Variants in MED1 observed in about 807,000 individuals in gnomAD.
The protein encoded by MED1 is mediator of RNA polymerase II transcription subunit 1.
Under a neutral mutation model 121.3 loss-of-function variants are expected in MED1, and 17 were observed. The ratio of observed to expected loss-of-function variants is 0.14; its 90% CI spans 0.10 to 0.21. MED1 has a LOEUF of 0.21. MED1 is among the 10% of genes least tolerant of loss of function. The pLI is 1.00. For missense variants in MED1, 1,558 were observed against 1,919.4 expected, an observed-to-expected ratio of 0.81 and a Z score of 3.52; for synonymous variants, 661 against 694.4, an observed-to-expected ratio of 0.95 and a Z score of 0.76.
intron 2 of MED1, among the ~76,000 whole-genome samples, chr17:39,444,750 T>C (rs937369202): frequency 5.3e-5 from 8 of 151,866 alleles, no homozygotes; most frequent in Non-Finnish European, 1.0e-4. Flanking sequence ...GCGCCTGTAG[T>C]CCCAGCTACT....
At position 39,406,984 on chromosome 17, in the gene MED1, G is replaced by A. The variant is rs2048308383; in HGVS notation, c.*491C>T. On this transcript the variant is annotated 3_prime_UTR_variant, in exon 17 of 17. Transcript: ENST00000300651. ...CCAAAATGACCAAAGTCCTTCATTT[G>A]CCCATGACTCAAACGGACAACTACC... 2.0e-6 allele frequency: 2 copies of A among 986,396 alleles called. No individual in the cohort carries two copies. The highest frequency in any genetic ancestry group is 1.7e-5 in the African/African-American group (1 of 57,206). 61.1% of individuals were successfully genotyped at this position (986,396 alleles called of 1,614,324 possible).
chr17:39,406,422 C>T lies in MED1; in HGVS notation c.*1053G>A. ...CTCCTGCAAACAAAATGCTGGGATG[C>T]AGACTTTTGGCACATTGTGGAAGTA... On this transcript the variant is annotated 3_prime_UTR_variant, in exon 17 of 17. Coordinates refer to ENST00000300651, the MANE Select transcript of MED1 (RefSeq NM_004774.4). The T allele has an allele frequency of 1.0e-6, 1 of 985,374 alleles. No individual in the cohort carries two copies. The highest frequency in any genetic ancestry group is 1.2e-6 in the Non-Finnish European group (1 of 829,930). 61.0% of individuals were successfully genotyped at this position (985,374 alleles called of 1,614,324 possible). A position where few individuals can be genotyped will look rare whatever the true frequency, so the allele number is the denominator to read the frequency against.
At chr17:39,445,215 C>T (rs1177225937) in intron 2 of MED1, among the ~76,000 whole-genome samples, 1 of 150,668 alleles carries the variant, frequency 6.6e-6, no homozygotes, top group Admixed American at 6.7e-5. Flanking sequence ...TTGTTGAAAA[C>T]TCTTTTTTTT....
rs138898255 is a variant in MED1, at chr17:39,433,168, A to G, written c.500+1081T>C. On this transcript the variant is annotated intron_variant, in intron 7 of 16. Coordinates refer to ENST00000300651, the MANE Select transcript of MED1 (RefSeq NM_004774.4). The stretch of plus-strand genomic sequence containing the variant: ...CAGTGAGCCGAGATGGCACCACTGT[A>G]CTGCAGCCTGGGCGACAGAGCAAGA... Among the ~76,000 whole-genome samples the G allele has an allele frequency of 2.2e-3, 330 of 152,198 alleles. 8 individuals are homozygous for G. The East Asian group carries it at 0.052, about 24-fold the overall frequency.
intron 16 of MED1, among the ~76,000 whole-genome samples, chr17:39,413,721 G>A (rs764113618): frequency 2.0e-5 from 3 of 151,730 alleles, no homozygotes; most frequent in Non-Finnish European, 4.4e-5. Flanking sequence ...GTAACAGAGT[G>A]AGACTCTTGT....
rs2048302817 is a variant in MED1 at position 39,406,301 on chromosome 17, T to C, written c.*1174A>G. On this transcript the variant is annotated 3_prime_UTR_variant, in exon 17 of 17. Transcript: ENST00000300651. ...TGGCTGCGGATTTTTTACTGTTTTATCTCAGGGAGCATACAGTGGAGTGAT... is the reference window on the plus strand; with the variant it reads ...TGGCTGCGGATTTTTTACTGTTTTACCTCAGGGAGCATACAGTGGAGTGAT... The C allele has an allele frequency of 5.1e-6, 5 of 985,576 alleles. No homozygotes were observed. Among genetic ancestry groups the C allele is most frequent in the Non-Finnish European group, 6.0e-6 (5 of 829,934 alleles). 61.1% of individuals were successfully genotyped at this position (985,576 alleles called of 1,614,324 possible). A position where few individuals can be genotyped will look rare whatever the true frequency, so the allele number is the denominator to read the frequency against.
rs149560109 is a variant in MED1, at chr17:39,434,843, C to T, written c.429-523G>A. 7.9e-5 allele frequency among the ~76,000 whole-genome samples: 12 copies of T among 152,194 alleles called. 1 individual carries two copies. In the East Asian group the frequency reaches 2.1e-3, roughly 27 times the overall value. On this transcript the variant is annotated intron_variant, in intron 6 of 16. Coordinates refer to ENST00000300651, the MANE Select transcript of MED1 (RefSeq NM_004774.4). ...AATTTGGATGTCAACAAAAATAAAACTTTTGATTGCAGAGATAATAAGAAG... is the reference window on the plus strand; with the variant it reads ...AATTTGGATGTCAACAAAAATAAAATTTTTGATTGCAGAGATAATAAGAAG...
intron 7 of MED1, 94 bp from the exon 8 acceptor site, chr17:39,432,110 A>T: frequency 1.2e-6 from 1 of 831,282 alleles, no homozygotes. Flanking sequence ...TGGGAGGCTG[A>T]GGCGGGCAGA....
At chr17:39,424,172 C>G (rs2048492830) in intron 11 of MED1, among the ~76,000 whole-genome samples, 1 of 152,106 alleles carries the variant, frequency 6.6e-6, no homozygotes, top group Admixed American at 6.6e-5. Context: ...CGTGAGCCAC[C>G]ATGCCTGGCC....
chr17:39,415,388 C>T (rs1370034919), intron 14 of MED1, 49 bp from the exon 15 acceptor site: 3 of 1,515,296 alleles, frequency 2.0e-6, no homozygotes, highest in Admixed American at 1.8e-5. Context: ...TAAGACTTCA[C>T]ACAGGCTGGG....
intron 6 of MED1, among the ~76,000 whole-genome samples, chr17:39,437,826 C>G (rs992295681): frequency 6.6e-6 from 1 of 151,566 alleles, no homozygotes; most frequent in African/African-American, 2.4e-5. Context: ...CCCAGCTACT[C>G]GGGAGGCTGA....
intron 9 of MED1, among the ~76,000 whole-genome samples, chr17:39,430,647 C>A (rs551082638): frequency 6.8e-6 from 1 of 146,950 alleles, no homozygotes; most frequent in Non-Finnish European, 1.5e-5. Flanking sequence ...GAGCTGAGAT[C>A]GCGCCACTGT....
chr17:39,446,086 A>ACAC, intron 2 of MED1, among the ~76,000 whole-genome samples: 1 of 151,612 alleles, frequency 6.6e-6, no homozygotes, highest in Admixed American at 6.6e-5. Flanking sequence ...TGTAATCCTA[A>ACAC]CACTTTGGGA....
At chr17:39,442,996 C>CTTTTTTTT in intron 3 of MED1, among the ~76,000 whole-genome samples, 1 of 82,884 alleles carries the variant, frequency 1.2e-5, no homozygotes. Flanking sequence ...TCCCAGGTAT[C>CTTTTTTTT]TTTTTTTTTT....
intron 1 of MED1, among the ~76,000 whole-genome samples, chr17:39,450,551 T>C (rs775079387): frequency 2.2e-4 from 34 of 152,148 alleles, no homozygotes; most frequent in Non-Finnish European, 3.5e-4. Context: ...TTTTCTGCAG[T>C]TCGTAGTTCG....
chr17:39,451,107 C>T lies in MED1; in HGVS notation c.-45G>A. 6.2e-7 allele frequency: 1 copy of T among 1,603,874 alleles called. No homozygotes were observed. The highest frequency in any genetic ancestry group is 1.7e-5 in the Admixed American group (1 of 58,626). On this transcript the variant is annotated 5_prime_UTR_variant, in exon 1 of 17. Coordinates refer to ENST00000300651, the MANE Select transcript of MED1 (RefSeq NM_004774.4). ...TAGATCCGCCACAAAAGGATAAGCC[C>T]TTCCCCACCACTAACGGAGGAAACA...
chr17:39,436,129 G>A (rs1206276294), intron 6 of MED1, among the ~76,000 whole-genome samples: 2 of 151,924 alleles, frequency 1.3e-5, no homozygotes, highest in East Asian at 1.9e-4. Context: ...TTGGGAGGCC[G>A]AGGCGGGCAG....
rs1217350546 is a variant in MED1 at position 39,410,530 on chromosome 17, G to T, written c.1691C>A (p.Thr564Asn). ...AATGGGACCCCCCGGAAAGGTGTTG[G>T]TTGGTGTAGTGGTACCACTCATTGG... ...NNPMSGTTTP[T>N]NTFPGGPITT... Residue 564 changes from threonine (T) to asparagine (N), a missense_variant, in exon 17 of 17, where the codon ACC becomes AAC. Transcript: ENST00000300651. The T allele has an allele frequency of 1.9e-6, 3 of 1,614,156 alleles. No individual in the cohort carries two copies. Among genetic ancestry groups the T allele is most frequent in the Middle Eastern group, 1.6e-4 (1 of 6,062 alleles).
chr17:39,406,896 C>G lies in MED1; in HGVS notation c.*579G>C. 1.0e-6 allele frequency: 1 copy of G among 985,748 alleles called. No individual in the cohort carries two copies. The highest frequency in any genetic ancestry group is 1.2e-6 in the Non-Finnish European group (1 of 829,940). 61.1% of individuals were successfully genotyped at this position (985,748 alleles called of 1,614,324 possible). On this transcript the variant is annotated 3_prime_UTR_variant, in exon 17 of 17. Coordinates refer to ENST00000300651, the MANE Select transcript of MED1 (RefSeq NM_004774.4). ...GGGTTAAAATATTACAAATAAATAG[C>G]TAAAATAATCTTCCCTCCCCCAGTC...
Sources: gnomAD v4.1 joint callset for allele counts (sites outside exome capture counted in the v4.1 genomes callset) on GRCh38, gnomAD v4.1.1 for gene constraint, MANE v1.5 for transcripts, NCBI Gene and HGNC (gene_info 2026-07-23, HGNC 2026-07-21) for gene names.